MYO18B: variants seen among roughly 807,000 people sequenced by gnomAD.
The protein encoded by MYO18B is myosin XVIIIB.
In MYO18B, 204 loss-of-function variants were observed where a neutral mutation model predicts 273.0. The observed-to-expected ratio is 0.75, with a 90% CI of 0.67 to 0.84. The LOEUF is 0.84. Ranked by LOEUF, MYO18B falls within the 40% of genes least tolerant of loss-of-function variation. The pLI is 0.00. For missense variants in MYO18B, 3,212 were observed against 3,287.6 expected, an observed-to-expected ratio of 0.98 and a Z score of 0.56; for synonymous variants, 1,330 against 1,305.7, an observed-to-expected ratio of 1.02 and a Z score of -0.40.
At chr22:25,837,316 CA>C in intron 17 of MYO18B, among the ~76,000 whole-genome samples, 1 of 152,082 alleles carries the variant, frequency 6.6e-6, no homozygotes, top group African/African-American at 2.4e-5. Context: ...AGGGACAAGG[CA>C]AAAAACCAGC....
the MYO18B span, among the ~76,000 whole-genome samples, chr22:26,055,625 G>A: frequency 1.3e-5 from 2 of 152,206 alleles, no homozygotes; most frequent in Non-Finnish European, 2.9e-5. Context: ...TATCTTTCTG[G>A]TTTATCATGA....
chr22:25,950,652 A>C (rs1317566847), intron 37 of MYO18B, among the ~76,000 whole-genome samples: 1 of 151,168 alleles, frequency 6.6e-6, no homozygotes, highest in African/African-American at 2.4e-5. Context: ...GCTCACTGCA[A>C]CCTCTGCCTG....
At chr22:26,061,060 C>A in the MYO18B span, among the ~76,000 whole-genome samples, 1 of 114,542 alleles carries the variant, frequency 8.7e-6, no homozygotes, top group African/African-American at 5.6e-5. Flanking sequence ...CAACTGTGAA[C>A]CTTCTGTAGC....
intron 25 of MYO18B, among the ~76,000 whole-genome samples, chr22:25,886,260 C>A (rs999354881): frequency 2.0e-5 from 3 of 152,188 alleles, no homozygotes; most frequent in Non-Finnish European, 4.4e-5. Context: ...GTGAACCCAG[C>A]TGGGATGCAC....
chr22:25,825,536 G>A (rs1244606264), intron 13 of MYO18B, among the ~76,000 whole-genome samples: 1 of 151,820 alleles, frequency 6.6e-6, no homozygotes, highest in Non-Finnish European at 1.5e-5. Context: ...ATATACATGC[G>A]TGTGTGTGTG....
At chr22:25,774,343 T>G (rs1022325499) in intron 7 of MYO18B, among the ~76,000 whole-genome samples, 1 of 152,156 alleles carries the variant, frequency 6.6e-6, no homozygotes, top group Admixed American at 6.5e-5. Flanking sequence ...TGGTGAGTGC[T>G]TAGGCTTCTG....
the MYO18B span, among the ~76,000 whole-genome samples, chr22:26,061,468 C>G: frequency 3.3e-5 from 5 of 152,136 alleles, no homozygotes; most frequent in South Asian, 8.3e-4. Context: ...TTGGAGCAGA[C>G]AGCTTCATTA....
intron 12 of MYO18B, among the ~76,000 whole-genome samples, chr22:25,800,805 G>C (rs972935293): frequency 3.3e-5 from 5 of 152,236 alleles, no homozygotes; most frequent in African/African-American, 1.2e-4. Flanking sequence ...CCCGCCCCCT[G>C]ATGTGGGCTC....
chr22:25,792,530 C>T (rs533847201), intron 11 of MYO18B, among the ~76,000 whole-genome samples: 5 of 117,104 alleles, frequency 4.3e-5, no homozygotes, highest in African/African-American at 1.7e-4. Context: ...GAGTCTGGCT[C>T]TGTGCCCAGG....
chr22:25,764,034 C>T (rs777026511), intron 3 of MYO18B, among the ~76,000 whole-genome samples: 3 of 152,122 alleles, frequency 2.0e-5, no homozygotes, highest in Non-Finnish European at 4.4e-5. Context: ...CCATGTTTAC[C>T]CAGGTCCCTC....
Position 25,873,253 on chromosome 22 carries a change from T to C in MYO18B, c.3952-1033T>C, listed in dbSNP as rs145747236. ...GCCGAGGAGGCATTGATCAGAGTGCTGCAGAGGCCATCATCCATTATTGAT... is the reference window on the plus strand; with the variant it reads ...GCCGAGGAGGCATTGATCAGAGTGCCGCAGAGGCCATCATCCATTATTGAT... On this transcript the variant is annotated intron_variant, in intron 22 of 43. Transcript: ENST00000335473. Among the ~76,000 whole-genome samples, 4 of 152,254 alleles carry C rather than the reference T, an allele frequency of 2.6e-5. No homozygotes were observed. The East Asian group carries it at 7.7e-4, about 29-fold the overall frequency.
At chr22:25,991,346 G>T (rs1375540908) in intron 39 of MYO18B, among the ~76,000 whole-genome samples, 1 of 152,200 alleles carries the variant, frequency 6.6e-6, no homozygotes, top group Admixed American at 6.5e-5. Flanking sequence ...ATAATTCTTT[G>T]TGGGATTGTC....
intron 12 of MYO18B, among the ~76,000 whole-genome samples, chr22:25,805,267 G>T (rs1016108478): frequency 6.6e-6 from 1 of 152,186 alleles, no homozygotes; most frequent in African/African-American, 2.4e-5. Flanking sequence ...GAAACCACTT[G>T]CCCAGGGCAC....
chr22:25,817,414 CCT>C (rs1380764616), intron 12 of MYO18B, among the ~76,000 whole-genome samples: 1 of 142,730 alleles, frequency 7.0e-6, no homozygotes, highest in African/African-American at 2.6e-5. Flanking sequence ...TTCCTCCCTC[CCT>C]CTTTTCTTTC....
chr22:25,972,562 C>T (rs1378969747), intron 39 of MYO18B, among the ~76,000 whole-genome samples: 1 of 152,148 alleles, frequency 6.6e-6, no homozygotes, highest in African/African-American at 2.4e-5. Context: ...TAACAAGGTC[C>T]CAGGTGACTC....
At chr22:25,943,166 C>G (rs1488206431) in intron 34 of MYO18B, among the ~76,000 whole-genome samples, 1 of 152,144 alleles carries the variant, frequency 6.6e-6, no homozygotes, top group Non-Finnish European at 1.5e-5. Flanking sequence ...CAGAGGGGCC[C>G]TGCGTGAGGC....
chr22:25,902,803 C>T (rs947149217), intron 30 of MYO18B, 67 bp downstream of exon 30: 12 of 1,499,732 alleles, frequency 8.0e-6, no homozygotes, highest in African/African-American at 4.2e-5. Flanking sequence ...CTGCATCGTG[C>T]ACCTGCTGCA....
At chr22:25,912,691 TG>T (rs1420859635) in intron 33 of MYO18B, among the ~76,000 whole-genome samples, 2 of 152,240 alleles carry the variant, frequency 1.3e-5, no homozygotes, top group African/African-American at 4.8e-5. Context: ...CTTATTCAGA[TG>T]TTTTTAAGGA....
intron 19 of MYO18B, among the ~76,000 whole-genome samples, chr22:25,847,092 T>TAAAG (rs1346567065): frequency 2.2e-5 from 3 of 137,268 alleles, no homozygotes; most frequent in East Asian, 4.0e-4. Flanking sequence ...AAAAAAAAAA[T>TAAAG]AAAGAAAGAA....
Sources: allele counts gnomAD v4.1 joint callset (sites outside exome capture counted in the v4.1 genomes callset), GRCh38; gene constraint gnomAD v4.1.1; transcripts MANE v1.5; gene names NCBI Gene and HGNC (gene_info 2026-07-23, HGNC 2026-07-21).